SCP2: variants seen among roughly 807,000 people sequenced by gnomAD.
SCP2 encodes SCP-2/3-oxoacyl-CoA thiolase.
Under a neutral mutation model 71.4 loss-of-function variants are expected in SCP2, and 48 were observed. The observed-to-expected ratio is 0.67, with a 90% confidence interval of 0.53 to 0.86. The LOEUF is 0.86. Among genes scored for constraint, SCP2 ranks in the 40% least tolerant of loss-of-function variants. The probability of loss-of-function intolerance (pLI) is 0.00; values close to 1 mark genes in which losing one functional copy is unlikely to be tolerated. For missense variants in SCP2, 560 were observed against 655.6 expected, an observed-to-expected ratio of 0.85 and a Z score of 1.59; for synonymous variants, 220 against 218.1, an observed-to-expected ratio of 1.01 and a Z score of -0.08.
At chr1:52,941,138 T>C (rs545326241) in intron 1 of SCP2, among the ~76,000 whole-genome samples, 9 of 152,384 alleles carry the variant, frequency 5.9e-5, no homozygotes, top group South Asian at 4.1e-4. Context: ...TGTATTCTCT[T>C]ACTTCTAGAT....
intron 11 of SCP2, chr1:52,993,134 T>G (rs1349040552): frequency 2.0e-5 from 31 of 1,542,820 alleles, no homozygotes; most frequent in Non-Finnish European, 2.6e-5. Flanking sequence ...AGATGTAAAC[T>G]GAGGAGAGGA....
At chr1:52,941,237 C>G (rs530964204) in intron 1 of SCP2, among the ~76,000 whole-genome samples, 19 of 152,264 alleles carry the variant, frequency 1.2e-4, no homozygotes, top group African/African-American at 4.3e-4. Context: ...TCTGGGAAGC[C>G]TTTCTTTTCC....
chr1:53,038,982 G>T lies in SCP2; in HGVS notation c.1404G>T (p.Gly468=). The T allele has an allele frequency of 6.2e-7, 1 of 1,614,176 alleles. No homozygotes were observed. The highest frequency in any genetic ancestry group is 1.1e-5 in the South Asian group (1 of 91,080). ...IFAFKVKDGP[G]GKEATWVVDV... ...CCTTCAAGGTGAAAGATGGCCCTGGGGGTAAAGAGGCCACCTGGGTGGTGG... is the reference window on the plus strand; with the variant it reads ...CCTTCAAGGTGAAAGATGGCCCTGGTGGTAAAGAGGCCACCTGGGTGGTGG... The change falls in exon 14 of 16, where the codon GGG becomes GGT. Residue 468 remains glycine, a synonymous_variant. Transcript: ENST00000371514.
intron 3 of SCP2, among the ~76,000 whole-genome samples, chr1:52,949,422 A>G (rs184882572): frequency 2.6e-5 from 4 of 152,280 alleles, no homozygotes; most frequent in Admixed American, 2.6e-4. Context: ...CTTGAACATA[A>G]ATTTAATTTA....
intron 13 of SCP2, among the ~76,000 whole-genome samples, chr1:53,028,419 C>T (rs4442320): frequency 3.3e-5 from 5 of 151,916 alleles, no homozygotes; most frequent in South Asian, 2.1e-4. Context: ...TGAATTAAAA[C>T]GGTCTTACTT....
At chr1:52,974,394 G>A (rs1388988200) in intron 6 of SCP2, among the ~76,000 whole-genome samples, 1 of 152,198 alleles carries the variant, frequency 6.6e-6, no homozygotes, top group African/African-American at 2.4e-5. Flanking sequence ...GAGGGTGTGA[G>A]TTGTGTAAAA....
intron 11 of SCP2, chr1:52,994,225 T>A (rs1008637187): frequency 1.1e-4 from 116 of 1,017,510 alleles, no homozygotes; most frequent in Non-Finnish European, 1.3e-4. Flanking sequence ...TGTGGTATGG[T>A]CACTGAAGCC....
intron 1 of SCP2, among the ~76,000 whole-genome samples, chr1:52,936,165 T>G (rs979449935): frequency 6.6e-6 from 1 of 152,250 alleles, no homozygotes; most frequent in Non-Finnish European, 1.5e-5. Context: ...ACAATTATTT[T>G]TCATAGAAAT....
At chr1:52,931,173 C>T (rs547128717) in intron 1 of SCP2, among the ~76,000 whole-genome samples, 3 of 152,200 alleles carry the variant, frequency 2.0e-5, no homozygotes, top group South Asian at 2.1e-4. Flanking sequence ...TGAGATATAT[C>T]GGAAGATTTT....
At position 53,038,632 on chromosome 1, in the gene SCP2, T is replaced by G. The variant is rs533112872; in HGVS notation, c.1339-285T>G. Among the ~76,000 whole-genome samples the G allele has an allele frequency of 2.5e-4, 38 of 152,240 alleles. No individual in the cohort carries two copies. The South Asian group carries it at 3.5e-3, about 14-fold the overall frequency. On this transcript the variant is annotated intron_variant, in intron 13 of 15. Transcript: ENST00000371514. ...GTTGCCCAGGCTGGCCTCCAACTCT[T>G]GGGCTCAAGTGATCCCCCCACCTCT...
chr1:52,993,597 G>T (rs1175800204), intron 11 of SCP2: 3 of 1,606,806 alleles, frequency 1.9e-6, no homozygotes, highest in Non-Finnish European at 2.5e-6. Flanking sequence ...AGCTCTTCTT[G>T]TCCTGCTGTA....
At position 52,927,318 on chromosome 1, in the gene SCP2, G is replaced by A. The variant is rs772379139; in HGVS notation, c.-79G>A. 7.1e-4 allele frequency: 916 copies of A among 1,289,894 alleles called. No individual in the cohort carries two copies. The highest frequency in any genetic ancestry group is 8.3e-4 in the Non-Finnish European group (761 of 917,048). The allele number at this position is 1,289,894 out of a possible 1,614,324, so 79.9% of individuals were successfully genotyped here. On this transcript the variant is annotated 5_prime_UTR_variant, in exon 1 of 16. Transcript: ENST00000371514. ...CCCGCGGCCCTGGCTTCGGGCTTCA[G>A]GGAGCTCTGGTGCAGTCTCCGCCTG...
At chr1:53,020,470 A>G (rs941261147) in intron 12 of SCP2, among the ~76,000 whole-genome samples, 3 of 151,198 alleles carry the variant, frequency 2.0e-5, no homozygotes, top group Non-Finnish European at 3.0e-5. Flanking sequence ...GTTTAATTTA[A>G]TTCAATTTTA....
intron 11 of SCP2, among the ~76,000 whole-genome samples, chr1:52,990,451 G>C (rs1455665258): frequency 6.6e-6 from 1 of 152,030 alleles, no homozygotes; most frequent in African/African-American, 2.4e-5. Context: ...GAAAGTATGA[G>C]AACAATGTTT....
At chr1:52,983,500 C>A (rs796649116) in intron 10 of SCP2, among the ~76,000 whole-genome samples, 1 of 152,152 alleles carries the variant, frequency 6.6e-6, no homozygotes, top group African/African-American at 2.4e-5. Flanking sequence ...AAACTGTTCA[C>A]TTTGAATCCC....
rs17107756 is a variant in SCP2, at chr1:53,050,345, G to C, written c.1549-264G>C. 22,239 of 418,494 alleles carry C rather than the reference G, an allele frequency of 0.053. 787 individuals carry two copies. Among genetic ancestry groups the C allele is most frequent in the Middle Eastern group, 0.11 (146 of 1,382 alleles). 25.9% of individuals were successfully genotyped at this position (418,494 alleles called of 1,614,324 possible). ...CAGTGTAGTATGAACCCACTTTGAG[G>C]AGGACAGGTGAAAACAGGCTCAATT... is the stretch of plus-strand genomic sequence containing the variant. On this transcript the variant is annotated intron_variant, in intron 15 of 15. Transcript: ENST00000371514.
At chr1:52,944,315 A>C (rs114625477) in intron 2 of SCP2, among the ~76,000 whole-genome samples, 1 of 152,078 alleles carries the variant, frequency 6.6e-6, no homozygotes, top group African/African-American at 2.4e-5. Context: ...TTTTGCTTCA[A>C]CTTTTTTTTT....
At chr1:52,999,917 A>G (rs1311440018) in intron 11 of SCP2, among the ~76,000 whole-genome samples, 1 of 149,926 alleles carries the variant, frequency 6.7e-6, no homozygotes, top group African/African-American at 2.5e-5. Context: ...CCCAGGTTCA[A>G]GTGATTCTTC....
chr1:52,999,960 G>A (rs1011295527), intron 11 of SCP2, among the ~76,000 whole-genome samples: 6 of 151,724 alleles, frequency 4.0e-5, no homozygotes, highest in African/African-American at 1.5e-4. Context: ...GGGATTACAG[G>A]GACCTGTCAC....
Sources: gnomAD v4.1 joint callset for allele counts (sites outside exome capture counted in the v4.1 genomes callset) on GRCh38, gnomAD v4.1.1 for gene constraint, MANE v1.5 for transcripts, NCBI Gene and HGNC (gene_info 2026-07-23, HGNC 2026-07-21) for gene names.